The following VPS8 variants were observed in gnomAD, a reference collection of about 807,000 sequenced individuals.
VPS8 encodes the protein VPS8 subunit of CORVET complex.
In VPS8, 129 loss-of-function variants were observed where a neutral mutation model predicts 216.4. The ratio of observed to expected loss-of-function variants is 0.60; its 90% confidence interval spans 0.52 to 0.69. VPS8 has a LOEUF of 0.69. VPS8 is among the 30% of genes least tolerant of loss of function. VPS8 has a pLI of 0.00. For synonymous variants in VPS8, 571 were observed against 565.4 expected (o/e 1.01, Z -0.14); for missense variants, 1,531 against 1,683.5 (o/e 0.91, Z 1.59).
At chr3:184,905,168 C>T (rs1484235459) in intron 25 of VPS8, among the ~76,000 whole-genome samples, 3 of 152,164 alleles carry the variant, frequency 2.0e-5, no homozygotes, top group Non-Finnish European at 4.4e-5. Context: ...GACTTAAACA[C>T]CTCCCCAAAG....
chr3:184,931,216 A>C (rs1740622869), intron 34 of VPS8, among the ~76,000 whole-genome samples: 1 of 152,190 alleles, frequency 6.6e-6, no homozygotes, highest in Non-Finnish European at 1.5e-5. Flanking sequence ...CTTACCCCAG[A>C]ATCCAACAGA....
intron 12 of VPS8, 50 bp downstream of exon 12, chr3:184,854,060 C>T: frequency 6.2e-7 from 1 of 1,612,190 alleles, no homozygotes; most frequent in Non-Finnish European, 8.5e-7. Flanking sequence ...GCTTTGAATA[C>T]CAAATATTTG....
chr3:184,991,535 C>T (rs1289000442), intron 42 of VPS8, among the ~76,000 whole-genome samples: 5 of 152,160 alleles, frequency 3.3e-5, no homozygotes, highest in African/African-American at 1.2e-4. Flanking sequence ...ATAGAGATTT[C>T]CTTTTCCCAG....
chr3:184,838,599 T>A, intron 5 of VPS8, 115 bp from the exon 6 acceptor site: 1 of 823,158 alleles, frequency 1.2e-6, no homozygotes, highest in Non-Finnish European at 1.9e-6. Flanking sequence ...AAATAAAGGT[T>A]CTACCTCTAA....
intron 1 of VPS8, among the ~76,000 whole-genome samples, chr3:184,813,215 T>C (rs1294576027): frequency 1.3e-5 from 2 of 152,064 alleles, no homozygotes; most frequent in Admixed American, 6.5e-5. Context: ...CTCCACTTCT[T>C]AGATTCTTGT....
At chr3:184,961,974 C>T (rs1483631481) in intron 37 of VPS8, among the ~76,000 whole-genome samples, 1 of 152,202 alleles carries the variant, frequency 6.6e-6, no homozygotes, top group Non-Finnish European at 1.5e-5. Flanking sequence ...GTTGCCCAGG[C>T]TGGTCTTGAA....
At chr3:184,946,291 G>A (rs1743656243) in intron 36 of VPS8, among the ~76,000 whole-genome samples, 1 of 152,202 alleles carries the variant, frequency 6.6e-6, no homozygotes, top group African/African-American at 2.4e-5. Flanking sequence ...GCAAGGAAGG[G>A]GTTAGTTTTA....
intron 26 of VPS8, 107 bp downstream of exon 26, chr3:184,913,668 C>T: frequency 1.1e-6 from 1 of 913,588 alleles, no homozygotes; most frequent in Non-Finnish European, 1.6e-6. Context: ...TAATTTTGCA[C>T]AATTCTTTTA....
chr3:184,994,141 T>A, intron 43 of VPS8, 78 bp downstream of exon 43: 1 of 1,040,908 alleles, frequency 9.6e-7, no homozygotes, highest in Non-Finnish European at 1.3e-6. Flanking sequence ...TACCTATACT[T>A]AAAAAAAAAT....
intron 46 of VPS8, among the ~76,000 whole-genome samples, chr3:185,045,991 T>C (rs1712810723): frequency 6.6e-6 from 1 of 152,182 alleles, no homozygotes; most frequent in Non-Finnish European, 1.5e-5. Flanking sequence ...TACTACAAGG[T>C]CATTTCCAGG....
chr3:184,895,577 TTCCTCCTCCTGCTCC>T (rs1733229922), intron 23 of VPS8, among the ~76,000 whole-genome samples: 3 of 110,784 alleles, frequency 2.7e-5, no homozygotes, highest in African/African-American at 3.4e-5. Context: ...AATTTATTTT[TTCCTCCTCCTGCTCC>T]TCCTCCTCCC....
chr3:185,000,390 T>C (rs747543989), intron 45 of VPS8, among the ~76,000 whole-genome samples: 8 of 152,042 alleles, frequency 5.3e-5, no homozygotes, highest in Non-Finnish European at 1.2e-4. Context: ...CGCTTGATAG[T>C]TTTCAGGAGA....
chr3:184,916,240 G>C (rs1737567924), intron 28 of VPS8, among the ~76,000 whole-genome samples: 1 of 152,320 alleles, frequency 6.6e-6, no homozygotes, highest in African/African-American at 2.4e-5. Flanking sequence ...GGGTGAGCCA[G>C]GTTGTCTGTG....
chr3:184,830,751 C>A (rs1308315326), intron 3 of VPS8, among the ~76,000 whole-genome samples: 1 of 152,112 alleles, frequency 6.6e-6, no homozygotes, highest in Non-Finnish European at 1.5e-5. Context: ...GTATTTATTT[C>A]TGAATTATTT....
At chr3:185,007,796 T>C (rs1754466995) in intron 45 of VPS8, among the ~76,000 whole-genome samples, 1 of 152,196 alleles carries the variant, frequency 6.6e-6, no homozygotes, top group Non-Finnish European at 1.5e-5. Context: ...CAAATAATGC[T>C]AGGAGGAAGT....
intron 45 of VPS8, among the ~76,000 whole-genome samples, chr3:185,003,176 G>A (rs867160265): frequency 0.027 from 1,523 of 56,156 alleles, 13 homozygotes; most frequent in South Asian, 0.059. Context: ...TTTTTTAATT[G>A]ATCATTCTTG....
Position 185,021,188 on chromosome 3 carries a change from A to C in VPS8, c.4003-3148A>C, listed in dbSNP as rs139777192. ...TATTAACAAAGATCACAAAAAGTTC[A>C]ACATTATTAAGGCCCTAGCTTCGTA... On this transcript the variant is annotated intron_variant, in intron 45 of 47. Transcript: ENST00000625842. Among the ~76,000 whole-genome samples the C allele has an allele frequency of 2.0e-5, 3 of 152,374 alleles. No homozygotes were observed. The East Asian group carries it at 5.8e-4, about 29-fold the overall frequency.
At chr3:184,845,958 G>A (rs1310070367) in intron 8 of VPS8, among the ~76,000 whole-genome samples, 1 of 151,994 alleles carries the variant, frequency 6.6e-6, no homozygotes, top group African/African-American at 2.4e-5. Context: ...CACTGAATTG[G>A]TTCCTTTGTG....
chr3:185,012,962 C>A (rs926261495), intron 45 of VPS8, among the ~76,000 whole-genome samples: 5 of 151,580 alleles, frequency 3.3e-5, no homozygotes, highest in Non-Finnish European at 7.4e-5. Flanking sequence ...TAGCTAAAAG[C>A]ATTTCCTACG....
Sources: gnomAD v4.1 joint callset for allele counts (sites outside exome capture counted in the v4.1 genomes callset) on GRCh38, gnomAD v4.1.1 for gene constraint, MANE v1.5 for transcripts, NCBI Gene and HGNC (gene_info 2026-07-23, HGNC 2026-07-21) for gene names.